Variants in LRRC74B observed in about 807,000 individuals in gnomAD.
The protein encoded by LRRC74B is leucine-rich repeat-containing protein 74B.
A neutral mutation model predicts 16.6 loss-of-function variants in LRRC74B; 30 were observed. The observed-to-expected ratio is 1.80, with a 90% CI of 1.35 to 2.45. The LOEUF (loss-of-function observed/expected upper bound fraction) is 2.45. Among genes scored for constraint, LRRC74B ranks in the 30% most tolerant of loss-of-function variants. The pLI, the probability that LRRC74B is intolerant of heterozygous loss-of-function variation, is 0.00. For synonymous variants in LRRC74B, 134 were observed against 86.0 expected (o/e 1.56, Z -3.09); for missense variants, 326 against 202.4 (o/e 1.61, Z -3.71).
intron 4 of LRRC74B, among the ~76,000 whole-genome samples, chr22:21,051,311 T>C (rs1002148700): frequency 6.6e-6 from 1 of 152,198 alleles, no homozygotes; most frequent in Admixed American, 6.5e-5. Flanking sequence ...GGTTGTAGGA[T>C]GACCGCTGGA....
chr22:21,050,591 A>T (rs1172547485), intron 4 of LRRC74B, among the ~76,000 whole-genome samples: 2 of 151,728 alleles, frequency 1.3e-5, no homozygotes, highest in African/African-American at 4.8e-5. Flanking sequence ...ATCCTGGATA[A>T]CACGGTGAAA....
intron 3 of LRRC74B, chr22:21,048,567 C>T: frequency 3.3e-6 from 1 of 302,340 alleles, no homozygotes; most frequent in South Asian, 3.9e-5. Flanking sequence ...GTGTGTGACC[C>T]ATGTACGTGC....
At chr22:21,059,577 CAAA>C (rs967942793) in intron 8 of LRRC74B, among the ~76,000 whole-genome samples, 2 of 152,050 alleles carry the variant, frequency 1.3e-5, no homozygotes, top group African/African-American at 4.8e-5. Flanking sequence ...ACCCAAAAAA[CAAA>C]AAAACAAAGA....
chr22:21,046,091 C>G, exon 1 of LRRC74B: 1 of 717,362 alleles, frequency 1.4e-6, no homozygotes, highest in Non-Finnish European at 2.6e-6. Context: ...AGCAGGGTCC[C>G]GAGGCCAATT....
chr22:21,054,902 G>A (rs2241223), intron 6 of LRRC74B, among the ~76,000 whole-genome samples, 196 bp from the exon 7 acceptor site: 12,938 of 152,252 alleles, frequency 0.085, 1,176 homozygotes, highest in East Asian at 0.37. Flanking sequence ...TGTGTTTGCC[G>A]TGTGATTCCT....
chr22:21,051,749 A>T (rs1358672059), intron 4 of LRRC74B, among the ~76,000 whole-genome samples: 1 of 150,776 alleles, frequency 6.6e-6, no homozygotes, highest in African/African-American at 2.4e-5. Context: ...AGTGCCCATT[A>T]CTCCTTCCTC....
intron 7 of LRRC74B, among the ~76,000 whole-genome samples, chr22:21,055,539 C>G (rs1930453623): frequency 6.6e-6 from 1 of 152,182 alleles, no homozygotes; most frequent in African/African-American, 2.4e-5. Context: ...CCACCTGAGG[C>G]CTGGTGTTCC....
chr22:21,052,806 G>T (rs1930176341), intron 5 of LRRC74B, among the ~76,000 whole-genome samples: 1 of 152,186 alleles, frequency 6.6e-6, no homozygotes, highest in South Asian at 2.1e-4. Context: ...GTGGTACAAG[G>T]TGTCTGCAAT....
At chr22:21,051,560 T>C (rs1930048576) in intron 4 of LRRC74B, among the ~76,000 whole-genome samples, 2 of 151,990 alleles carry the variant, frequency 1.3e-5, no homozygotes, top group Non-Finnish European at 2.9e-5. Flanking sequence ...CAGCCTTCCA[T>C]CTGGTCCCCC....
At chr22:21,060,261 C>A in intron 8 of LRRC74B, 112 bp from the exon 9 acceptor site, 2 of 613,164 alleles carry the variant, frequency 3.3e-6, no homozygotes, top group Non-Finnish European at 6.0e-6. Flanking sequence ...CTGTCATCCA[C>A]AGGGGAGAAG....
rs1276128588 is a variant in LRRC74B at position 21,051,760 on chromosome 22, A to C, written c.623-489A>C. 2.0e-5 allele frequency among the ~76,000 whole-genome samples: 3 copies of C among 151,260 alleles called. No homozygotes were observed. The South Asian group carries it at 6.3e-4, about 32-fold the overall frequency. ...CTCAAGTGCCCATTACTCCTTCCTC[A>C]CCTCACTGGCTTCCCCCTCCCCAGG... On this transcript the variant is annotated intron_variant, in intron 4 of 8. Transcript: ENST00000442047.
chr22:21,060,551 C>T (rs762719118), downstream of LRRC74B: 3 of 692,544 alleles, frequency 4.3e-6, no homozygotes, highest in Non-Finnish European at 8.1e-6. Flanking sequence ...GCTTCCTCAT[C>T]TCCAATCAGC....
Position 21,055,085 on chromosome 22 carries a change from GT to G in LRRC74B, c.849-8del. 2 of 716,750 alleles carry G rather than the reference GT, an allele frequency of 2.8e-6. No individual in the cohort carries two copies. Among genetic ancestry groups the G allele is most frequent in the Non-Finnish European group, 5.2e-6 (2 of 385,022 alleles). The allele number at this position is 716,750 out of a possible 1,614,324, so 44.4% of individuals were successfully genotyped here. A position where few individuals can be genotyped will look rare whatever the true frequency, so the allele number is the denominator to read the frequency against. On this transcript the variant is annotated splice_polypyrimidine_tract_variant and intron_variant, in intron 6 of 8. Coordinates refer to ENST00000442047, the Ensembl canonical transcript of LRRC74B. The stretch of plus-strand genomic sequence containing the variant: ...AGGTTGCACAATGCATGTGCCTGTT[GT>G]TTTTGTTGCAGTAACAACCGCATCT...
intron 3 of LRRC74B, chr22:21,048,668 C>T: frequency 2.3e-6 from 1 of 439,736 alleles, no homozygotes; most frequent in Non-Finnish European, 4.2e-6. Context: ...CTGCCAGATG[C>T]AGCCATCGAC....
At chr22:21,053,455 G>A (rs141330661) in exon 6 of LRRC74B, 22 of 717,268 alleles carry the variant, frequency 3.1e-5, no homozygotes, top group African/African-American at 1.9e-4. Context: ...CCAACAACGT[G>A]TTGGAGGAAC....
downstream of LRRC74B, chr22:21,062,052 T>C (rs1450357872): frequency 6.6e-6 from 1 of 152,190 alleles, no homozygotes; most frequent in Non-Finnish European, 1.5e-5. Flanking sequence ...GACGGACACA[T>C]GCTGAAAACG....
downstream of LRRC74B, among the ~76,000 whole-genome samples, chr22:21,061,117 C>T (rs1023174784): frequency 2.6e-5 from 4 of 152,102 alleles, no homozygotes; most frequent in African/African-American, 9.7e-5. Flanking sequence ...CCCTTGAGGT[C>T]AGGAGTTTGA....
At chr22:21,052,204 G>A (rs567728486) in intron 4 of LRRC74B, 45 bp from the exon 5 acceptor site, 1 of 716,768 alleles carries the variant, frequency 1.4e-6, no homozygotes, top group Non-Finnish European at 2.6e-6. Flanking sequence ...TCTTTTGAAG[G>A]AGTGAAGAGA....
downstream of LRRC74B, among the ~76,000 whole-genome samples, chr22:21,061,452 C>T (rs546324185): frequency 1.3e-5 from 2 of 152,250 alleles, no homozygotes; most frequent in South Asian, 4.1e-4. Context: ...AACACTTAAC[C>T]ATTCATGAAA....
Sources: allele counts gnomAD v4.1 joint callset (sites outside exome capture counted in the v4.1 genomes callset), GRCh38; gene constraint gnomAD v4.1.1; transcripts MANE v1.5; gene names NCBI Gene and HGNC (gene_info 2026-07-23, HGNC 2026-07-21).